The following ZNF799 variants were observed in gnomAD, a reference collection of about 807,000 sequenced individuals.
ZNF799 encodes zinc finger protein 799, also known as zinc finger protein 14.
In ZNF799, 28 loss-of-function variants were observed where a neutral mutation model predicts 41.0. That is an observed-to-expected ratio of 0.68 (90% CI 0.51 to 0.94). ZNF799 has a LOEUF of 0.94. ZNF799 is among the 40% of genes least tolerant of loss of function. The probability of loss-of-function intolerance (pLI) is 0.00; values close to 1 mark genes in which losing one functional copy is unlikely to be tolerated. For missense variants in ZNF799, 716 were observed against 764.3 expected (o/e 0.94, Z 0.74); for synonymous variants, 213 against 252.9 (o/e 0.84, Z 1.50).
intron 1 of ZNF799, among the ~76,000 whole-genome samples, chr19:12,397,564 C>CA (rs1163640631): frequency 0.015 from 961 of 65,296 alleles, 8 homozygotes; most frequent in African/African-American, 0.025. Flanking sequence ...GACCCTGTCT[C>CA]AAAAAAAAAA....
At chr19:12,406,747 A>C in the ZNF799 span, among the ~76,000 whole-genome samples, 1 of 151,352 alleles carries the variant, frequency 6.6e-6, no homozygotes, top group Non-Finnish European at 1.5e-5. Flanking sequence ...AAAAATACAA[A>C]AAATTAGCTG....
chr19:12,401,005 C>T, intron 1 of ZNF799, 63 bp downstream of exon 1: 1 of 1,613,706 alleles, frequency 6.2e-7, no homozygotes, highest in Admixed American at 1.7e-5. Flanking sequence ...CCAGCCACAG[C>T]CGATTACTGC....
upstream of ZNF799, among the ~76,000 whole-genome samples, chr19:12,405,251 C>T (rs1970021814): frequency 6.6e-6 from 1 of 151,872 alleles, no homozygotes; most frequent in Admixed American, 6.6e-5. Flanking sequence ...TTAGTTCTGT[C>T]CCTCCAGAGA....
At position 12,390,916 on chromosome 19, in the gene ZNF799, A is replaced by G. The variant is rs770049425; in HGVS notation, c.1482T>C (p.His494=). Residue 494 remains histidine, a synonymous_variant, in exon 4 of 4, where the codon CAT becomes CAC. Coordinates refer to ENST00000430385, the MANE Select transcript of ZNF799 (RefSeq NM_001080821.3). ...AFSCFQYLSQ[H]RRTHTGEKPY... is the part of the protein sequence containing the mutation. ...GTTTCTCTCCTGTGTGAGTCCTTCT[A>G]TGTTGAGAAAGGTATTGGAAACAAC... 1.3e-5 allele frequency: 21 copies of G among 1,613,884 alleles called. No individual in the cohort carries two copies. Among genetic ancestry groups the G allele is most frequent in the South Asian group, 3.3e-5 (3 of 91,088 alleles).
rs774203663 is a variant in ZNF799 at position 12,401,094 on chromosome 19, G to C, written c.-24C>G. 1 of 1,613,806 alleles carries C rather than the reference G, an allele frequency of 6.2e-7. No homozygotes were observed. The highest frequency in any genetic ancestry group is 1.7e-5 in the Admixed American group (1 of 60,022). ...ATTTCCCGACTTCCGCGGTGTCCCA[G>C]GTCCTCCGGACGGCTCCCGCTGCCA... On this transcript the variant is annotated 5_prime_UTR_variant, in exon 1 of 4. Transcript: ENST00000430385.
chr19:12,390,512 G>A lies in ZNF799; in HGVS notation c.1886C>T (p.Ala629Val), dbSNP rs559749195. ...ATGCAAGGAACTGAGAGAAGCAAAT[G>A]CTTTCCCACATTCCTTACATCCATA... ...NPYGCKECGK[A>V]FASLSSLHRH... Residue 629 changes from alanine (A) to valine (V), a missense_variant, in exon 4 of 4, where the codon GCA becomes GTA. Around this residue, in one of 2 missense-constraint regions of ZNF799, gnomAD observed 698 missense variants for 713.6 expected, o/e 0.98. Coordinates refer to ENST00000430385, the MANE Select transcript of ZNF799 (RefSeq NM_001080821.3). The A allele has an allele frequency of 1.8e-5, 29 of 1,613,640 alleles. No individual in the cohort carries two copies. Among genetic ancestry groups the A allele is most frequent in the Non-Finnish European group, 2.5e-5 (29 of 1,179,780 alleles).
the ZNF799 span, among the ~76,000 whole-genome samples, chr19:12,414,141 C>A: frequency 6.6e-6 from 1 of 151,948 alleles, no homozygotes; most frequent in Non-Finnish European, 1.5e-5. Flanking sequence ...CTCCTCGCGG[C>A]AGCTCCCTTA....
rs1384378414 is a variant in ZNF799 at position 12,401,025 on chromosome 19, C to A, written c.3+43G>T. The A allele has an allele frequency of 3.1e-6, 5 of 1,613,808 alleles. No individual in the cohort carries two copies. The Admixed American group carries it at 5.0e-5, about 16-fold the overall frequency. On this transcript the variant is annotated intron_variant, in intron 1 of 3. Transcript: ENST00000430385. ...CACAGCCGATTACTGCAGGTTCCAC[C>A]CAGCCCCTCCCCCGCCTCGGGACGC...
Position 12,391,601 on chromosome 19 carries a change from C to T in ZNF799, c.797G>A (p.Ser266Asn). 1.9e-6 allele frequency: 3 copies of T among 1,614,054 alleles called. No individual in the cohort carries two copies. Among genetic ancestry groups the T allele is most frequent in the Non-Finnish European group, 2.5e-6 (3 of 1,179,984 alleles). Residue 266 changes from serine to asparagine, a missense_variant, in exon 4 of 4, where the codon AGT becomes AAT. Ser to Asn is a conservative substitution (Grantham distance 46). Coordinates refer to ENST00000430385, the MANE Select transcript of ZNF799 (RefSeq NM_001080821.3). ...KQCSKAFPDY[S>N]SCLRHERTHT... ...AGTTCTTTCATGTCTTAGACAAGAACTGTAATCAGGGAAGGCTTTAGAACA... is the reference window on the plus strand; with the variant it reads ...AGTTCTTTCATGTCTTAGACAAGAATTGTAATCAGGGAAGGCTTTAGAACA...
At chr19:12,410,481 T>C in the ZNF799 span, among the ~76,000 whole-genome samples, 1 of 151,712 alleles carries the variant, frequency 6.6e-6, no homozygotes, top group Non-Finnish European at 1.5e-5. Context: ...ACAGGGAAAT[T>C]CAAAGAATTG....
chr19:12,392,733 G>A, intron 2 of ZNF799, 70 bp from the exon 3 acceptor site: 1 of 1,251,224 alleles, frequency 8.0e-7, no homozygotes, highest in Non-Finnish European at 1.2e-6. Flanking sequence ...ACATTTTGAT[G>A]TACACTGCAA....
rs774034534 is a variant in ZNF799 at position 12,392,105 on chromosome 19, G to A, written c.293C>T (p.Pro98Leu). Residue 98 changes from proline to leucine, a missense_variant, in exon 4 of 4, where the codon CCT (proline) becomes CTT (leucine). Physicochemically the swap from Pro to Leu is moderately conservative, Grantham distance 98 (BLOSUM62 -3). Around this residue, in one of 2 missense-constraint regions of ZNF799, gnomAD observed 698 missense variants for 713.6 expected, o/e 0.98. Coordinates refer to ENST00000430385, the MANE Select transcript of ZNF799 (RefSeq NM_001080821.3). ...QDSIVTKNTLPGVGPYESRMS... is the reference protein window; with the variant it reads ...QDSIVTKNTLLGVGPYESRMS... ...ACGGCTTTCATATGGACCTACTCCA[G>A]GAAGAGTGTTCTTGGTCACAATACT... The A allele has an allele frequency of 1.9e-6, 3 of 1,614,126 alleles. No homozygotes were observed. In the Admixed American group the frequency reaches 5.0e-5, roughly 27 times the overall value.
chr19:12,407,483 G>A, the ZNF799 span, among the ~76,000 whole-genome samples: 10,344 of 135,580 alleles, frequency 0.076, 1,159 homozygotes, highest in African/African-American at 0.27. Context: ...GAGAGAGAGA[G>A]AGAAAAAAAA....
chr19:12,410,281 AT>A, the ZNF799 span, among the ~76,000 whole-genome samples: 1 of 100,184 alleles, frequency 1.0e-5, no homozygotes, highest in Non-Finnish European at 2.0e-5. Flanking sequence ...ATATATATAT[AT>A]ATATATATAT....
rs752545996 is a variant in ZNF799 at position 12,401,099 on chromosome 19, T to C, written c.-29A>G. The C allele has an allele frequency of 1.2e-5, 20 of 1,613,546 alleles. No homozygotes were observed. Among genetic ancestry groups the C allele is most frequent in the Non-Finnish European group, 9.3e-6 (11 of 1,179,790 alleles). On this transcript the variant is annotated 5_prime_UTR_variant, in exon 1 of 4. Coordinates refer to ENST00000430385, the MANE Select transcript of ZNF799 (RefSeq NM_001080821.3). Reference sequence around the variant, plus strand: ...CCGACTTCCGCGGTGTCCCAGGTCCTCCGGACGGCTCCCGCTGCCAATGCG... The same window carrying C: ...CCGACTTCCGCGGTGTCCCAGGTCCCCCGGACGGCTCCCGCTGCCAATGCG...
chr19:12,401,249 T>G lies in ZNF799; in HGVS notation c.-179A>C, dbSNP rs1194330839. The G allele has an allele frequency of 2.1e-6, 3 of 1,410,504 alleles. No individual in the cohort carries two copies. The highest frequency in any genetic ancestry group is 5.0e-5 in the East Asian group (2 of 40,094). The allele number at this position is 1,410,504 out of a possible 1,614,324, so 87.4% of individuals were successfully genotyped here. A position where few individuals can be genotyped will look rare whatever the true frequency, so the allele number is the denominator to read the frequency against. On this transcript the variant is annotated 5_prime_UTR_variant, in exon 1 of 4. Coordinates refer to ENST00000430385, the MANE Select transcript of ZNF799 (RefSeq NM_001080821.3). The stretch of plus-strand genomic sequence containing the variant: ...GCGGGCTTTTTCAACCACACACTCC[T>G]CTGGGAAGCGCGCCTGATTGACAGT...
chr19:12,405,006 A>C (rs1021922315), upstream of ZNF799, among the ~76,000 whole-genome samples: 1 of 152,118 alleles, frequency 6.6e-6, no homozygotes, highest in Non-Finnish European at 1.5e-5. Context: ...GCTGCCAGCG[A>C]ATATAAAGCA....
At chr19:12,410,660 T>C in the ZNF799 span, among the ~76,000 whole-genome samples, 1 of 151,586 alleles carries the variant, frequency 6.6e-6, no homozygotes, top group Admixed American at 6.6e-5. Context: ...AAAACATCAA[T>C]AAAATCAAGA....
chr19:12,401,933 T>C (rs967109901), upstream of ZNF799, among the ~76,000 whole-genome samples: 4 of 152,220 alleles, frequency 2.6e-5, no homozygotes, highest in African/African-American at 7.2e-5. Context: ...ATTAAATTAT[T>C]TTTTACTATA....
Sources: allele counts gnomAD v4.1 joint callset (sites outside exome capture counted in the v4.1 genomes callset), GRCh38; gene constraint gnomAD v4.1.1; regional missense constraint gnomAD v4.1.1; transcripts MANE v1.5; gene names NCBI Gene and HGNC (gene_info 2026-07-23, HGNC 2026-07-21).